The following PBX3 variants were observed in gnomAD, a reference collection of about 807,000 sequenced individuals.
PBX3 encodes the protein PBX homeobox 3.
A neutral mutation model predicts 48.5 loss-of-function variants in PBX3; 14 were observed. That is an observed-to-expected ratio of 0.29 (90% CI 0.19 to 0.45). The LOEUF is 0.45. Among genes scored for constraint, PBX3 ranks in the 20% least tolerant of loss-of-function variants. The pLI is 1.00. For synonymous variants in PBX3, 210 were observed against 200.3 expected (o/e 1.05, Z -0.41); for missense variants, 386 against 546.7 (o/e 0.71, Z 2.93).
chr9:125,785,844 G>T (rs145534857), intron 2 of PBX3, among the ~76,000 whole-genome samples: 2 of 152,230 alleles, frequency 1.3e-5, no homozygotes, highest in African/African-American at 4.8e-5. Context: ...AATTCAGGCG[G>T]CTGACTTTGA....
At chr9:125,900,547 G>T (rs1169187603) in intron 2 of PBX3, among the ~76,000 whole-genome samples, 3 of 151,640 alleles carry the variant, frequency 2.0e-5, no homozygotes, top group African/African-American at 4.8e-5. Context: ...CAGCATAATT[G>T]TATGTAGTGC....
chr9:125,863,532 G>A (rs905108860), intron 2 of PBX3, among the ~76,000 whole-genome samples: 5 of 152,054 alleles, frequency 3.3e-5, no homozygotes, highest in African/African-American at 1.2e-4. Context: ...TTTTAAAATT[G>A]GTGTTTAAAA....
rs764362146 is a variant in PBX3 at position 125,960,666 on chromosome 9, T to C, written c.844-18T>C. 2.9e-5 allele frequency: 46 copies of C among 1,613,144 alleles called. No homozygotes were observed. The highest frequency in any genetic ancestry group is 3.6e-5 in the Non-Finnish European group (42 of 1,179,212). ...CTTCCTCTCTTCCCCTTCACCTCCA[T>C]GTCCCTGCAATTTGTAGGTATCCAA... On this transcript the variant is annotated intron_variant, in intron 5 of 8. Transcript: ENST00000373489.
chr9:125,786,025 G>C (rs894444517), intron 2 of PBX3, among the ~76,000 whole-genome samples: 2 of 149,392 alleles, frequency 1.3e-5, no homozygotes, highest in Non-Finnish European at 3.0e-5. Context: ...ATTTGATTCT[G>C]ATCGTTTTCT....
At chr9:125,911,159 G>A (rs1040113921) in intron 2 of PBX3, among the ~76,000 whole-genome samples, 1 of 152,014 alleles carries the variant, frequency 6.6e-6, no homozygotes, top group Non-Finnish European at 1.5e-5. Flanking sequence ...ACAACCAAAA[G>A]TAATTGTTTC....
At chr9:125,867,847 C>T (rs1840027664) in intron 2 of PBX3, among the ~76,000 whole-genome samples, 1 of 151,444 alleles carries the variant, frequency 6.6e-6, no homozygotes, top group Non-Finnish European at 1.5e-5. Context: ...CACACACACA[C>T]ATACATATAT....
At chr9:125,803,086 A>G (rs961399134) in intron 2 of PBX3, among the ~76,000 whole-genome samples, 2 of 146,528 alleles carry the variant, frequency 1.4e-5, no homozygotes, top group Non-Finnish European at 3.0e-5. Context: ...TTTTCCCACT[A>G]ATGTCTTTTT....
In PBX3 at chr9:125,855,937, C is replaced by T. The variant is rs954442582; in HGVS notation, c.275-59749C>T. 4.6e-4 allele frequency among the ~76,000 whole-genome samples: 70 copies of T among 152,002 alleles called. 1 individual carries two copies. Among genetic ancestry groups the T allele is most frequent in the African/African-American group, 1.7e-3 (70 of 41,348 alleles). ...ATTGGAAAAACCTTATAGCTTTGCACTCTATCTTTGGAGGTTTAAATCTAT... is the reference window on the plus strand; with the variant it reads ...ATTGGAAAAACCTTATAGCTTTGCATTCTATCTTTGGAGGTTTAAATCTAT... On this transcript the variant is annotated intron_variant, in intron 2 of 8. Coordinates refer to ENST00000373489, the MANE Select transcript of PBX3 (RefSeq NM_006195.6).
chr9:125,894,410 T>G (rs1352421342), intron 2 of PBX3, among the ~76,000 whole-genome samples: 1 of 152,156 alleles, frequency 6.6e-6, no homozygotes, highest in Non-Finnish European at 1.5e-5. Flanking sequence ...AATAAATCCA[T>G]TTTTTAACAG....
intron 3 of PBX3, among the ~76,000 whole-genome samples, chr9:125,924,707 A>G (rs1394783248): frequency 2.0e-5 from 3 of 152,220 alleles, no homozygotes; most frequent in Non-Finnish European, 2.9e-5. Context: ...AAAATATCGT[A>G]TTTATGGATA....
intron 2 of PBX3, among the ~76,000 whole-genome samples, chr9:125,899,336 C>A (rs1281625266): frequency 3.0e-4 from 27 of 89,738 alleles, no homozygotes; most frequent in Non-Finnish European, 4.5e-4. Flanking sequence ...TAAATATATA[C>A]ATATATGTAT....
intron 2 of PBX3, among the ~76,000 whole-genome samples, chr9:125,869,158 G>C (rs916845317): frequency 6.6e-6 from 1 of 152,088 alleles, no homozygotes; most frequent in African/African-American, 2.4e-5. Context: ...GATGTAAAAA[G>C]CAAAGAAAAT....
At chr9:125,902,419 A>G (rs571818937) in intron 2 of PBX3, among the ~76,000 whole-genome samples, 20 of 151,766 alleles carry the variant, frequency 1.3e-4, no homozygotes, top group Non-Finnish European at 2.7e-4. Flanking sequence ...TTCAGCAGAG[A>G]GTATCCAGAT....
intron 2 of PBX3, among the ~76,000 whole-genome samples, chr9:125,814,266 T>A (rs1004779617): frequency 1.4e-5 from 2 of 138,134 alleles, no homozygotes; most frequent in Non-Finnish European, 3.1e-5. Context: ...GCAGTTATTA[T>A]ATTTTTCTAT....
chr9:125,964,649 C>T (rs912660334), intron 8 of PBX3, among the ~76,000 whole-genome samples: 2 of 152,094 alleles, frequency 1.3e-5, no homozygotes, highest in South Asian at 4.2e-4. Flanking sequence ...AGAAAAGGTG[C>T]TTTGCATGCC....
At chr9:125,843,623 T>A (rs1435941108) in intron 2 of PBX3, 1 of 241,578 alleles carries the variant, frequency 4.1e-6, no homozygotes, top group Non-Finnish European at 8.6e-6. Context: ...GTGCTTGGTA[T>A]CCTTGACAAC....
chr9:125,814,946 G>A (rs1184129097), intron 2 of PBX3, among the ~76,000 whole-genome samples: 1 of 152,178 alleles, frequency 6.6e-6, no homozygotes, highest in East Asian at 1.9e-4. Context: ...CAGCCTGAAG[G>A]ATTAGGGAAT....
At chr9:125,839,113 T>C (rs764564303) in intron 2 of PBX3, among the ~76,000 whole-genome samples, 19 of 152,194 alleles carry the variant, frequency 1.2e-4, no homozygotes, top group Non-Finnish European at 2.6e-4. Flanking sequence ...GAAAATAATC[T>C]TTCTGTGTTT....
chr9:125,887,589 C>A (rs1271646493), intron 2 of PBX3, among the ~76,000 whole-genome samples: 1 of 152,142 alleles, frequency 6.6e-6, no homozygotes, highest in Non-Finnish European at 1.5e-5. Flanking sequence ...AGTTTAACAA[C>A]ATATTATCAA....
Sources: allele counts gnomAD v4.1 joint callset (sites outside exome capture counted in the v4.1 genomes callset), GRCh38; gene constraint gnomAD v4.1.1; transcripts MANE v1.5; gene names NCBI Gene and HGNC (gene_info 2026-07-23, HGNC 2026-07-21).